The following CRPPA variants were observed in gnomAD, a reference collection of about 807,000 sequenced individuals.
CRPPA encodes D-ribitol-5-phosphate cytidylyltransferase.
Under a neutral mutation model 52.0 loss-of-function variants are expected in CRPPA, and 43 were observed. The ratio of observed to expected loss-of-function variants is 0.83; its 90% confidence interval spans 0.65 to 1.07. The LOEUF (loss-of-function observed/expected upper bound fraction) is 1.07, where lower values mean the gene tolerates loss of function less well. Among genes scored for constraint, CRPPA ranks in the 50% least tolerant of loss-of-function variants. CRPPA has a pLI of 0.00. For missense variants in CRPPA, 629 were observed against 551.7 expected, an observed-to-expected ratio of 1.14 and a Z score of -1.40; for synonymous variants, 250 against 203.5, an observed-to-expected ratio of 1.23 and a Z score of -1.94.
intron 8 of CRPPA, among the ~76,000 whole-genome samples, chr7:16,220,716 A>G (rs1171483941): frequency 1.3e-5 from 2 of 149,206 alleles, no homozygotes; most frequent in African/African-American, 4.9e-5. Context: ...AGAATAAAAT[A>G]CCTAGGAATC....
chr7:16,286,064 T>TTTAAAAAAAAAAAAAAAAAA (rs1562608509), intron 5 of CRPPA, among the ~76,000 whole-genome samples: 1 of 29,768 alleles, frequency 3.4e-5, no homozygotes, highest in Non-Finnish European at 5.9e-5. Context: ...TATATATATA[T>TTTAAAAAAAAAAAAAAAAAA]ATATATATAT....
intron 6 of CRPPA, chr7:16,269,827 T>A (rs1218938760): frequency 6.6e-6 from 1 of 152,076 alleles, no homozygotes; most frequent in African/African-American, 2.4e-5. Context: ...TAAAATACAT[T>A]TCCAAACTCA....
At chr7:16,273,148 A>G in intron 6 of CRPPA, among the ~76,000 whole-genome samples, 1 of 140,122 alleles carries the variant, frequency 7.1e-6, no homozygotes, top group Admixed American at 7.6e-5. Context: ...TAAAGAGAAA[A>G]GAACTGCATA....
intron 9 of CRPPA, among the ~76,000 whole-genome samples, chr7:16,114,849 G>C (rs1055714270): frequency 6.6e-6 from 1 of 151,978 alleles, no homozygotes; most frequent in Non-Finnish European, 1.5e-5. Context: ...TAGGTATCGT[G>C]TAAACCCTAG....
At position 16,381,508 on chromosome 7, in the gene CRPPA, C is replaced by T. The variant is rs868844789; in HGVS notation, c.535-5267G>A. ...GAGTTCTGTAGATGTCTATTAGGTC[C>T]GCTTGGTGCAGAGCTGAGTTCAATT... is the stretch of plus-strand genomic sequence containing the variant. On this transcript the variant is annotated intron_variant, in intron 2 of 9. Coordinates refer to ENST00000407010, the MANE Select transcript of CRPPA (RefSeq NM_001101426.4). 4.8e-3 allele frequency among the ~76,000 whole-genome samples: 725 copies of T among 151,914 alleles called. 10 individuals are homozygous for T. The highest frequency in any genetic ancestry group is 0.016 in the African/African-American group (680 of 41,338).
intron 2 of CRPPA, among the ~76,000 whole-genome samples, chr7:16,394,678 G>T (rs573355283): frequency 2.0e-4 from 30 of 152,104 alleles, no homozygotes; most frequent in Non-Finnish European, 4.1e-4. Flanking sequence ...CCATATTTCA[G>T]ATACAATTAT....
intron 5 of CRPPA, among the ~76,000 whole-genome samples, chr7:16,279,230 A>T (rs1489584270): frequency 6.6e-6 from 1 of 152,174 alleles, no homozygotes; most frequent in African/African-American, 2.4e-5. Flanking sequence ...TAAATCACTG[A>T]TGTAGCAATA....
chr7:16,150,906 TC>T (rs1783064675), intron 9 of CRPPA, among the ~76,000 whole-genome samples: 1 of 152,142 alleles, frequency 6.6e-6, no homozygotes, highest in South Asian at 2.1e-4. Flanking sequence ...TAATAAACCC[TC>T]TCTGGCAAAT....
At chr7:16,099,294 A>T (rs1366272502) in intron 9 of CRPPA, among the ~76,000 whole-genome samples, 1 of 150,918 alleles carries the variant, frequency 6.6e-6, no homozygotes, top group Non-Finnish European at 1.5e-5. Flanking sequence ...AAAAAAGGAA[A>T]GAAAAAAAGG....
At chr7:16,396,820 T>A (rs979137846) in intron 2 of CRPPA, among the ~76,000 whole-genome samples, 1 of 152,190 alleles carries the variant, frequency 6.6e-6, no homozygotes, top group African/African-American at 2.4e-5. Flanking sequence ...GTGGCATGTG[T>A]GATGGAATAC....
chr7:16,397,866 C>G (rs913550198), intron 2 of CRPPA, among the ~76,000 whole-genome samples: 1 of 152,210 alleles, frequency 6.6e-6, no homozygotes, highest in African/African-American at 2.4e-5. Context: ...GTGATCAACA[C>G]GTGTGTAACA....
At chr7:16,377,095 C>A (rs1193411970) in intron 2 of CRPPA, among the ~76,000 whole-genome samples, 1 of 152,150 alleles carries the variant, frequency 6.6e-6, no homozygotes, top group South Asian at 2.1e-4. Flanking sequence ...CAAATGTCTT[C>A]TTGATGAGAC....
chr7:16,169,303 G>T (rs1195043614), intron 9 of CRPPA, among the ~76,000 whole-genome samples: 1 of 152,086 alleles, frequency 6.6e-6, no homozygotes, highest in Admixed American at 6.5e-5. Flanking sequence ...TTAAGAACAA[G>T]AAATGATGAA....
chr7:16,113,551 A>G (rs1309832603), intron 9 of CRPPA, among the ~76,000 whole-genome samples: 2 of 152,126 alleles, frequency 1.3e-5, no homozygotes, highest in Admixed American at 1.3e-4. Flanking sequence ...ACAATCTTAA[A>G]GCAACTAGAA....
In CRPPA at chr7:16,402,549, T is replaced by A. The variant is rs1417617622; in HGVS notation, c.534+3512A>T. 2.0e-5 allele frequency among the ~76,000 whole-genome samples: 3 copies of A among 152,122 alleles called. No homozygotes were observed. The East Asian group carries it at 5.8e-4, about 29-fold the overall frequency. On this transcript the variant is annotated intron_variant, in intron 2 of 9. Coordinates refer to ENST00000407010, the MANE Select transcript of CRPPA (RefSeq NM_001101426.4). Reference sequence around the variant, plus strand: ...GACCAAGAAGTACTATTGGCTATAGTGTATAAAGTATTATGTTCAGAGCTT... The same window carrying A: ...GACCAAGAAGTACTATTGGCTATAGAGTATAAAGTATTATGTTCAGAGCTT...
intron 9 of CRPPA, among the ~76,000 whole-genome samples, chr7:16,204,560 G>C (rs1443216698): frequency 6.6e-6 from 1 of 152,044 alleles, no homozygotes; most frequent in Non-Finnish European, 1.5e-5. Context: ...TAAAAGCCAA[G>C]ACTTCACCAC....
intron 9 of CRPPA, among the ~76,000 whole-genome samples, chr7:16,172,362 T>G (rs1164263619): frequency 6.6e-6 from 1 of 151,954 alleles, no homozygotes; most frequent in Non-Finnish European, 1.5e-5. Flanking sequence ...CAAAGTGGCA[T>G]GAGGATTGGG....
intron 5 of CRPPA, among the ~76,000 whole-genome samples, chr7:16,289,904 T>C (rs948922778): frequency 2.6e-5 from 4 of 152,112 alleles, no homozygotes; most frequent in African/African-American, 7.2e-5. Flanking sequence ...ATAGATGACA[T>C]AATCTTATAT....
chr7:16,262,067 T>C (rs374016865), intron 6 of CRPPA: 3 of 152,294 alleles, frequency 2.0e-5, no homozygotes, highest in Admixed American at 6.5e-5. Context: ...CCTGAAGTAT[T>C]CTTCATGGGG....
Sources: gnomAD v4.1 joint callset for allele counts (sites outside exome capture counted in the v4.1 genomes callset) on GRCh38, gnomAD v4.1.1 for gene constraint, MANE v1.5 for transcripts, NCBI Gene and HGNC (gene_info 2026-07-23, HGNC 2026-07-21) for gene names.